The following FZD3 variants were observed in gnomAD, a reference collection of about 807,000 sequenced individuals.
FZD3 encodes frizzled-3.
A neutral mutation model predicts 60.7 loss-of-function variants in FZD3; 30 were observed. The ratio of observed to expected loss-of-function variants is 0.49; its 90% confidence interval spans 0.37 to 0.67. FZD3 has a LOEUF of 0.67. Ranked by LOEUF, FZD3 falls within the 30% of genes least tolerant of loss-of-function variation. The pLI is 0.00. For missense variants in FZD3, 605 were observed against 838.7 expected (o/e 0.72, Z 3.44); for synonymous variants, 246 against 275.2 (o/e 0.89, Z 1.05).
intron 2 of FZD3, among the ~76,000 whole-genome samples, chr8:28,501,188 T>G (rs1040295063): frequency 6.6e-6 from 1 of 152,248 alleles, no homozygotes; most frequent in African/African-American, 2.4e-5. Context: ...GAGCAGGGTT[T>G]GCTTTTACCT....
chr8:28,534,328 A>C (rs1262713494), intron 5 of FZD3, among the ~76,000 whole-genome samples: 1 of 152,220 alleles, frequency 6.6e-6, no homozygotes, highest in Non-Finnish European at 1.5e-5. Flanking sequence ...ATCCATTTCC[A>C]GTAACTTTTT....
chr8:28,512,714 T>C (rs1182693721), intron 3 of FZD3, among the ~76,000 whole-genome samples: 1 of 152,134 alleles, frequency 6.6e-6, no homozygotes, highest in Non-Finnish European at 1.5e-5. Context: ...ACTTGGTAAA[T>C]ACCGCAAAAA....
At chr8:28,495,806 G>C (rs1450058533) in intron 1 of FZD3, among the ~76,000 whole-genome samples, 1 of 152,118 alleles carries the variant, frequency 6.6e-6, no homozygotes, top group East Asian at 1.9e-4. Context: ...TAAAAGAGCT[G>C]AAGATAAAAT....
intron 3 of FZD3, among the ~76,000 whole-genome samples, chr8:28,520,201 C>A (rs1321848659): frequency 1.5e-5 from 2 of 137,696 alleles, no homozygotes; most frequent in East Asian, 4.2e-4. Flanking sequence ...CAGAGTGAGA[C>A]TCCATCTCAA....
At chr8:28,498,006 T>C (rs1803887938) in intron 1 of FZD3, among the ~76,000 whole-genome samples, 1 of 152,220 alleles carries the variant, frequency 6.6e-6, no homozygotes, top group Admixed American at 6.5e-5. Context: ...TGATAAATAA[T>C]GGTTGGAAAT....
In FZD3 at chr8:28,569,260, C is replaced by A. The variant is rs1379675463; in HGVS notation, c.*6249C>A. 1 of 149,824 alleles carries A rather than the reference C, an allele frequency of 6.7e-6. No homozygotes were observed. Among genetic ancestry groups the A allele is most frequent in the Non-Finnish European group, 1.5e-5 (1 of 67,462 alleles). 9.3% of individuals were successfully genotyped at this position (149,824 alleles called of 1,614,324 possible). ...AAAATTAAACAAAAAAATCTATTTT[C>A]TAAATTGGCAGGATTTTTTTAATGA... On this transcript the variant is annotated 3_prime_UTR_variant, in exon 8 of 8. Transcript: ENST00000240093.
At position 28,527,181 on chromosome 8, in the gene FZD3, G is replaced by A. The variant is rs757564690; in HGVS notation, c.421G>A (p.Val141Met). The change falls in exon 5 of 8, where the codon GTG becomes ATG. Residue 141 changes from valine to methionine, a missense_variant. Transcript: ENST00000240093. The surrounding 1 kb of genome is among the most constrained non-coding windows in gnomAD (Gnocchi z 5.0). Reference protein sequence around the residue: ...PDCDEPYPRLVDLNLAGEPTE... With the variant: ...PDCDEPYPRLMDLNLAGEPTE... ...TTGTGATGAGCCATATCCTCGACTT[G>A]TGGATCTGAATTTAGCTGGAGAACC... 6.2e-7 allele frequency: 1 copy of A among 1,613,142 alleles called. No homozygotes were observed. Among genetic ancestry groups the A allele is most frequent in the Non-Finnish European group, 8.5e-7 (1 of 1,179,680 alleles).
chr8:28,522,955 A>C (rs1804624042), intron 4 of FZD3, among the ~76,000 whole-genome samples: 1 of 151,912 alleles, frequency 6.6e-6, no homozygotes, highest in South Asian at 2.1e-4. Context: ...TTTTTGGTAG[A>C]GACGGGGTTT....
At chr8:28,551,541 A>T in intron 5 of FZD3, 62 bp from the exon 6 acceptor site, 1 of 1,206,930 alleles carries the variant, frequency 8.3e-7, no homozygotes. Context: ...AAGATTTCAT[A>T]ATGGCCTTTA....
At chr8:28,561,779 T>A (rs1213076010) in intron 7 of FZD3, among the ~76,000 whole-genome samples, 1 of 152,236 alleles carries the variant, frequency 6.6e-6, no homozygotes, top group African/African-American at 2.4e-5. Context: ...GAAATACTTC[T>A]TGAGGCACTA....
chr8:28,499,778 G>A (rs1448790135), intron 1 of FZD3, among the ~76,000 whole-genome samples, 155 bp from the exon 2 acceptor site: 1 of 151,700 alleles, frequency 6.6e-6, no homozygotes, highest in East Asian at 1.9e-4. Flanking sequence ...CTTTTCATAT[G>A]TTTCTTGGCT....
chr8:28,563,026 G>GGTGGAAATC lies in FZD3; in HGVS notation c.*16_*24dup. On this transcript the variant is annotated 3_prime_UTR_variant, in exon 8 of 8. Transcript: ENST00000240093. The stretch of plus-strand genomic sequence containing the variant: ...CCAGTGCTTAATTTGTCTTGTCTAA[G>GGTGGAAATC]GTGGAAATCTTGTGCTGTTTAAAAA... 1 of 1,569,472 alleles carries GGTGGAAATC rather than the reference G, an allele frequency of 6.4e-7. No individual in the cohort carries two copies. The highest frequency in any genetic ancestry group is 2.2e-5 in the East Asian group (1 of 44,662).
chr8:28,495,153 G>A (rs1206153995), intron 1 of FZD3, among the ~76,000 whole-genome samples: 1 of 152,228 alleles, frequency 6.6e-6, no homozygotes, highest in Non-Finnish European at 1.5e-5. Context: ...GGAGTCTTGA[G>A]TTCGATCCCT....
chr8:28,498,752 A>G (rs1803913189), intron 1 of FZD3, among the ~76,000 whole-genome samples: 1 of 151,998 alleles, frequency 6.6e-6, no homozygotes, highest in African/African-American at 2.4e-5. Flanking sequence ...TTTAGTAGAG[A>G]TGGGTTTTTG....
At chr8:28,506,569 A>G (rs1394253923) in intron 3 of FZD3, among the ~76,000 whole-genome samples, 2 of 152,068 alleles carry the variant, frequency 1.3e-5, no homozygotes, top group African/African-American at 4.8e-5. Flanking sequence ...CACCCCATAT[A>G]TAGAGGAAAG....
intron 7 of FZD3, among the ~76,000 whole-genome samples, chr8:28,556,855 G>A (rs902800993): frequency 6.6e-6 from 1 of 152,186 alleles, no homozygotes; most frequent in African/African-American, 2.4e-5. Flanking sequence ...TGGCTAGGGA[G>A]GGGGTTGGTT....
In FZD3 at chr8:28,565,182, G is replaced by T. The variant is rs1035079890; in HGVS notation, c.*2171G>T. 20 of 152,172 alleles carry T rather than the reference G, an allele frequency of 1.3e-4. No homozygotes were observed. The highest frequency in any genetic ancestry group is 4.8e-4 in the African/African-American group (20 of 41,454). The allele number at this position is 152,172 out of a possible 1,614,324, so 9.4% of individuals were successfully genotyped here. The stretch of plus-strand genomic sequence containing the variant: ...GTTATATATTTCAAAGTACATGTAT[G>T]ATAATATGACTTATTCTTCATGAGA... On this transcript the variant is annotated 3_prime_UTR_variant, in exon 8 of 8. Transcript: ENST00000240093.
chr8:28,550,631 A>G (rs773147732), intron 5 of FZD3, among the ~76,000 whole-genome samples: 1 of 151,694 alleles, frequency 6.6e-6, no homozygotes, highest in Non-Finnish European at 1.5e-5. Context: ...ACCTGGGACT[A>G]CAGGTGCCTG....
At chr8:28,495,785 G>C (rs1053592333) in intron 1 of FZD3, among the ~76,000 whole-genome samples, 1 of 152,098 alleles carries the variant, frequency 6.6e-6, no homozygotes, top group Non-Finnish European at 1.5e-5. Flanking sequence ...GACTGGGTGG[G>C]GCTGGAAGGA....
Sources: gnomAD v4.1 joint callset for allele counts (sites outside exome capture counted in the v4.1 genomes callset) on GRCh38, gnomAD v4.1.1 for gene constraint, Gnocchi (gnomAD v3.1) non-coding constraint, MANE v1.5 for transcripts, NCBI Gene and HGNC (gene_info 2026-07-23, HGNC 2026-07-21) for gene names.